STAU1: variants seen among roughly 807,000 people sequenced by gnomAD.
STAU1 encodes staufen double-stranded RNA binding protein 1, also known as double-stranded RNA-binding protein Staufen homolog 1.
Under a neutral mutation model 62.9 loss-of-function variants are expected in STAU1, and 13 were observed. That is an observed-to-expected ratio of 0.21 (90% confidence interval 0.13 to 0.33). The LOEUF is 0.33. Among genes scored for constraint, STAU1 ranks in the 10% least tolerant of loss-of-function variants. The probability of loss-of-function intolerance (pLI) is 1.00; values close to 1 mark genes in which losing one functional copy is unlikely to be tolerated. For synonymous variants in STAU1, 269 were observed against 265.1 expected (o/e 1.01, Z -0.14); for missense variants, 571 against 712.1 (o/e 0.80, Z 2.25).
intron 5 of STAU1, among the ~76,000 whole-genome samples, chr20:49,145,056 T>G (rs542420006): frequency 1.3e-5 from 2 of 152,300 alleles, no homozygotes; most frequent in East Asian, 3.9e-4. Flanking sequence ...TTTCTCTCAG[T>G]TCTTTGTAAT....
chr20:49,166,077 A>G lies in STAU1; in HGVS notation c.125T>C (p.Leu42Pro). ...GGGTCTACCTGCATTTTCAGAGGGC[A>G]GAGAGCTAGTAGTAGAAGGAATACT... Reference protein sequence around the residue: ...LMSIPSTTSSLPSENAGRPIQ... With the variant: ...LMSIPSTTSSPPSENAGRPIQ... Residue 42 changes from leucine (L) to proline (P), a missense_variant, in exon 3 of 14, where the codon CTG becomes CCG. Transcript: ENST00000371856. The G allele has an allele frequency of 2.5e-6, 4 of 1,614,224 alleles. No homozygotes were observed. The highest frequency in any genetic ancestry group is 3.4e-6 in the Non-Finnish European group (4 of 1,180,042).
At chr20:49,187,952 G>A (rs1019374771) in intron 1 of STAU1, among the ~76,000 whole-genome samples, 164 bp downstream of exon 1, 66 of 151,866 alleles carry the variant, frequency 4.3e-4, no homozygotes, top group African/African-American at 1.5e-3. Flanking sequence ...AACGCAAGAG[G>A]ACCCGCCTCC....
At chr20:49,213,618 C>T in the STAU1 span, among the ~76,000 whole-genome samples, 1 of 152,156 alleles carries the variant, frequency 6.6e-6, no homozygotes, top group Non-Finnish European at 1.5e-5. Flanking sequence ...TTAATTAATT[C>T]CCATTGGAAA....
At chr20:49,160,899 G>A (rs972536237) in intron 3 of STAU1, among the ~76,000 whole-genome samples, 10 of 152,150 alleles carry the variant, frequency 6.6e-5, no homozygotes, top group Non-Finnish European at 1.2e-4. Context: ...AGCAGGAGAG[G>A]AGCCAGAAGT....
intron 5 of STAU1, among the ~76,000 whole-genome samples, chr20:49,136,547 CG>C (rs1446806599): frequency 6.6e-6 from 1 of 152,184 alleles, no homozygotes; most frequent in Non-Finnish European, 1.5e-5. Flanking sequence ...CACTGCTGCT[CG>C]GAACAGTGAC....
Position 49,135,600 on chromosome 20 carries a change from A to T in STAU1, c.609+233T>A, listed in dbSNP as rs1212457124. On this transcript the variant is annotated intron_variant, in intron 6 of 13. Transcript: ENST00000371856. The stretch of plus-strand genomic sequence containing the variant: ...CTTCAGACTGCTTCAGGAGGTCCAC[A>T]CACCAACTGAAGCCATCATGAACTC... 2.0e-5 allele frequency among the ~76,000 whole-genome samples: 3 copies of T among 152,212 alleles called. No homozygotes were observed. The East Asian group carries it at 5.8e-4, about 29-fold the overall frequency.
At chr20:49,199,329 G>C in the STAU1 span, among the ~76,000 whole-genome samples, 3 of 148,568 alleles carry the variant, frequency 2.0e-5, no homozygotes, top group African/African-American at 7.4e-5. Context: ...CTCCTGGGTT[G>C]AAGTGCTTCT....
At chr20:49,155,853 A>G (rs1177256064) in intron 3 of STAU1, among the ~76,000 whole-genome samples, 1 of 152,236 alleles carries the variant, frequency 6.6e-6, no homozygotes, top group Non-Finnish European at 1.5e-5. Flanking sequence ...AAAGAAATCA[A>G]AAGTAACAAG....
intron 5 of STAU1, among the ~76,000 whole-genome samples, chr20:49,138,674 T>A (rs557995769): frequency 2.0e-5 from 3 of 152,150 alleles, no homozygotes; most frequent in East Asian, 3.9e-4. Flanking sequence ...CTATTTTTTT[T>A]AATGTTTTGT....
At chr20:49,142,487 A>G (rs2093031561) in intron 5 of STAU1, among the ~76,000 whole-genome samples, 1 of 152,196 alleles carries the variant, frequency 6.6e-6, no homozygotes, top group Non-Finnish European at 1.5e-5. Context: ...ATAGAAAACA[A>G]TGGGTCTACT....
At position 49,181,108 on chromosome 20, in the gene STAU1, G is replaced by A. The variant is rs145048866; in HGVS notation, c.-159-6839C>T. On this transcript the variant is annotated intron_variant, in intron 1 of 13. Transcript: ENST00000371856. ...CCTCAGCAATTATTATGAGCTTTAC[G>A]CTGCAAAGATGTTTATGAGTATTAG... Among the ~76,000 whole-genome samples the A allele has an allele frequency of 1.5e-3, 224 of 152,218 alleles. 1 individual carries two copies. The highest frequency in any genetic ancestry group is 3.4e-3 in the Middle Eastern group (1 of 294).
chr20:49,153,497 G>A (rs1283162506), intron 4 of STAU1, among the ~76,000 whole-genome samples: 3 of 150,758 alleles, frequency 2.0e-5, no homozygotes, highest in Admixed American at 6.6e-5. Flanking sequence ...TCTGAGGTCC[G>A]GAGTTCAAGA....
intron 1 of STAU1, among the ~76,000 whole-genome samples, chr20:49,185,532 A>C (rs2093776367): frequency 6.6e-6 from 1 of 152,250 alleles, no homozygotes; most frequent in Non-Finnish European, 1.5e-5. Context: ...TTATTCTACT[A>C]AAAGTAAATT....
intron 6 of STAU1, chr20:49,134,838 C>T: frequency 6.5e-7 from 1 of 1,528,228 alleles, no homozygotes; most frequent in Non-Finnish European, 9.1e-7. Context: ...TATACCAAAC[C>T]TGCAAACAAA....
At chr20:49,125,477 C>T (rs1236940796) in intron 6 of STAU1, among the ~76,000 whole-genome samples, 1 of 146,740 alleles carries the variant, frequency 6.8e-6, no homozygotes, top group Non-Finnish European at 1.5e-5. Flanking sequence ...TTGCAGTGAT[C>T]CAAGATCACA....
chr20:49,197,916 T>G, the STAU1 span, among the ~76,000 whole-genome samples: 1 of 151,860 alleles, frequency 6.6e-6, no homozygotes, highest in African/African-American at 2.4e-5. Context: ...ACTATGTTGC[T>G]CAGGCTGGTC....
intron 1 of STAU1, among the ~76,000 whole-genome samples, chr20:49,178,925 A>C (rs1568938104): frequency 1.3e-5 from 2 of 150,342 alleles, no homozygotes; most frequent in Non-Finnish European, 3.0e-5. Context: ...AAAAAAAAAA[A>C]AAACAACTAG....
chr20:49,126,577 A>AAAAAAAAAAAAAAAAAAAAAAAC (rs1555837188), intron 6 of STAU1, among the ~76,000 whole-genome samples: 6 of 34,936 alleles, frequency 1.7e-4, no homozygotes, highest in Non-Finnish European at 3.2e-4. Flanking sequence ...CAAAAAGCAA[A>AAAAAAAAAAAAAAAAAAAAAAAC]AAAAAAAAAA....
At chr20:49,180,337 C>G (rs1228270518) in intron 1 of STAU1, among the ~76,000 whole-genome samples, 1 of 150,784 alleles carries the variant, frequency 6.6e-6, no homozygotes, top group African/African-American at 2.4e-5. Context: ...TTTTTTCCCC[C>G]CCTGGATACA....
Sources: gnomAD v4.1 joint callset for allele counts (sites outside exome capture counted in the v4.1 genomes callset) on GRCh38, gnomAD v4.1.1 for gene constraint, MANE v1.5 for transcripts, NCBI Gene and HGNC (gene_info 2026-07-23, HGNC 2026-07-21) for gene names.